ACTN4: variants seen among roughly 807,000 people sequenced by gnomAD.
ACTN4 encodes alpha-actinin-4.
ACTN4 carries 18 observed loss-of-function variants against 114.2 expected under a neutral mutation model. The observed-to-expected ratio is 0.16, with a 90% CI of 0.11 to 0.23. The LOEUF is 0.23. Among genes scored for constraint, ACTN4 ranks in the 10% least tolerant of loss-of-function variants. ACTN4 has a pLI of 1.00. For synonymous variants in ACTN4, 515 were observed against 506.3 expected (o/e 1.02, Z -0.23); for missense variants, 722 against 1,262.9 (o/e 0.57, Z 6.49).
intron 7 of ACTN4, 31 bp from the exon 8 acceptor site, chr19:38,710,226 G>A (rs753194793): frequency 2.7e-5 from 44 of 1,613,052 alleles, no homozygotes; most frequent in Non-Finnish European, 3.3e-5. Context: ...CGCCCTACTC[G>A]GGCAGTTTAA....
At chr19:38,700,854 G>C (rs1238843566) in intron 2 of ACTN4, 140 bp downstream of exon 2, 3 of 1,386,470 alleles carry the variant, frequency 2.2e-6, no homozygotes, top group Non-Finnish European at 3.0e-6. Context: ...ACGGTGGTCT[G>C]ATGGGTGGGG....
intron 1 of ACTN4, among the ~76,000 whole-genome samples, chr19:38,660,403 T>C (rs1392955704): frequency 6.6e-6 from 1 of 152,054 alleles, no homozygotes; most frequent in African/African-American, 2.4e-5. Flanking sequence ...TGTTTTTTTT[T>C]CTTTCCTTTG....
intron 3 of ACTN4, 113 bp downstream of exon 3, chr19:38,701,234 A>T: frequency 6.6e-7 from 1 of 1,523,756 alleles, no homozygotes; most frequent in Non-Finnish European, 8.9e-7. Context: ...CGCTTGGGGC[A>T]CTCAGAGCCC....
chr19:38,731,214 A>C lies in ACTN4; in HGVS notation c.*1782A>C. On this transcript the variant is annotated 3_prime_UTR_variant, in exon 21 of 21. Coordinates refer to ENST00000252699, the MANE Select transcript of ACTN4 (RefSeq NM_004924.6). ...GAGGGTCTGGGTCAGCTGGTTGTTC[A>C]GGTGGAAGCCTAGGGGGAGGCTGCT... The C allele has an allele frequency of 6.2e-7, 1 of 1,612,580 alleles. No individual in the cohort carries two copies. The highest frequency in any genetic ancestry group is 8.5e-7 in the Non-Finnish European group (1 of 1,179,960).
In ACTN4 at chr19:38,729,938, A is replaced by C. The variant is rs1176659104; in HGVS notation, c.*506A>C. On this transcript the variant is annotated 3_prime_UTR_variant, in exon 21 of 21. Coordinates refer to ENST00000252699, the MANE Select transcript of ACTN4 (RefSeq NM_004924.6). The stretch of plus-strand genomic sequence containing the variant: ...CCTCTCCCCTCTCTGCTCCAGACTC[A>C]CTTGCCATTGCCAGGAGATGGCCCC... 2 of 332,650 alleles carry C rather than the reference A, an allele frequency of 6.0e-6. No individual in the cohort carries two copies. Among genetic ancestry groups the C allele is most frequent in the Non-Finnish European group, 1.2e-5 (2 of 169,692 alleles). The allele number at this position is 332,650 out of a possible 1,614,324, so 20.6% of individuals were successfully genotyped here.
Position 38,723,667 on chromosome 19 carries a change from G to T in ACTN4, c.1496G>T (p.Cys499Phe). ...GTCAACACCCGGTGCCAGAAGATCT[G>T]TGACCAGTGGGACGCCCTCGGCTCT... ...HNVNTRCQKI[C>F]DQWDALGSLT... Residue 499 changes from cysteine (C) to phenylalanine (F), a missense_variant, in exon 13 of 21, where the codon TGT (cysteine) becomes TTT (phenylalanine). By Grantham distance (205) the Cys-to-Phe change is radical. Around this residue, in one of 3 missense-constraint regions of ACTN4, gnomAD observed 523 missense variants for 875.9 expected, o/e 0.60. Coordinates refer to ENST00000252699, the MANE Select transcript of ACTN4 (RefSeq NM_004924.6). 1 of 1,613,566 alleles carries T rather than the reference G, an allele frequency of 6.2e-7. No homozygotes were observed. Among genetic ancestry groups the T allele is most frequent in the Non-Finnish European group, 8.5e-7 (1 of 1,179,870 alleles).
Position 38,731,332 on chromosome 19 carries a change from C to T in ACTN4, c.*1900C>T, listed in dbSNP as rs1969589458. On this transcript the variant is annotated 3_prime_UTR_variant, in exon 21 of 21. Coordinates refer to ENST00000252699, the MANE Select transcript of ACTN4 (RefSeq NM_004924.6). ...ACATGAATGCCACAGGGTGTCACAC[C>T]CCAACTCTGCCCCATCCCGGCAGGG... The T allele has an allele frequency of 2.5e-6, 2 of 785,176 alleles. No homozygotes were observed. The highest frequency in any genetic ancestry group is 4.4e-6 in the Non-Finnish European group (2 of 455,838). The allele number at this position is 785,176 out of a possible 1,614,324, so 48.6% of individuals were successfully genotyped here. A position where few individuals can be genotyped will look rare whatever the true frequency, so the allele number is the denominator to read the frequency against.
chr19:38,659,675 C>T lies in ACTN4; in HGVS notation c.162+11768C>T, dbSNP rs900976702. Among the ~76,000 whole-genome samples the T allele has an allele frequency of 8.5e-5, 13 of 152,264 alleles. No homozygotes were observed. The East Asian group carries it at 1.4e-3, about 16-fold the overall frequency. On this transcript the variant is annotated intron_variant, in intron 1 of 20. Transcript: ENST00000252699. ...TTGCCAAATACGGCCTGCTCTGGGG[C>T]CACAGGGTTAGCTTAGGAGACAACT... is the stretch of plus-strand genomic sequence containing the variant.
chr19:38,704,758 T>C (rs573911999), intron 3 of ACTN4, among the ~76,000 whole-genome samples, 176 bp from the exon 4 acceptor site: 2 of 152,336 alleles, frequency 1.3e-5, no homozygotes, highest in African/African-American at 4.8e-5. Context: ...GCCTAGAGAC[T>C]GTTCCCTGCA....
rs779624869 is a variant in ACTN4 at position 38,729,598 on chromosome 19, T to C, written c.*166T>C. 70 of 1,038,424 alleles carry C rather than the reference T, an allele frequency of 6.7e-5. No homozygotes were observed. Among genetic ancestry groups the C allele is most frequent in the South Asian group, 1.6e-4 (12 of 73,464 alleles). 64.3% of individuals were successfully genotyped at this position (1,038,424 alleles called of 1,614,324 possible). A position where few individuals can be genotyped will look rare whatever the true frequency, so the allele number is the denominator to read the frequency against. On this transcript the variant is annotated 3_prime_UTR_variant, in exon 21 of 21. Transcript: ENST00000252699. ...GGGGCAGGCTCTCTCCTCTCTCTCT[T>C]TGTGGGTTGGCCAGGAGGTTCCCCC...
rs199711892 is a variant in ACTN4, at chr19:38,718,122, C to T, written c.1291+48C>T. 1.6e-5 allele frequency: 25 copies of T among 1,569,056 alleles called. No homozygotes were observed. The African/African-American group carries it at 2.4e-4, about 15-fold the overall frequency. ...TCTGCCCAGCCCCGCTCCCGTGCTC[C>T]CCTCCTGTCTCTCAGGCATGCATGG... On this transcript the variant is annotated intron_variant, in intron 11 of 20. Coordinates refer to ENST00000252699, the MANE Select transcript of ACTN4 (RefSeq NM_004924.6).
At chr19:38,674,710 C>G (rs1175422593) in intron 1 of ACTN4, among the ~76,000 whole-genome samples, 3 of 152,118 alleles carry the variant, frequency 2.0e-5, no homozygotes, top group Non-Finnish European at 4.4e-5. Context: ...CAGACTCTTC[C>G]CTTTTTAGGT....
At chr19:38,699,937 A>G (rs962050060) in intron 1 of ACTN4, among the ~76,000 whole-genome samples, 1 of 152,080 alleles carries the variant, frequency 6.6e-6, no homozygotes, top group Admixed American at 6.5e-5. Flanking sequence ...CCCAAAGCTC[A>G]AAGAGAGACT....
chr19:38,715,412 G>A (rs1280511040), intron 9 of ACTN4, among the ~76,000 whole-genome samples: 3 of 152,118 alleles, frequency 2.0e-5, no homozygotes, highest in African/African-American at 7.2e-5. Context: ...CAGGAGGATC[G>A]CTTGAGCCTG....
At chr19:38,660,642 C>T (rs567058499) in intron 1 of ACTN4, among the ~76,000 whole-genome samples, 4 of 152,190 alleles carry the variant, frequency 2.6e-5, no homozygotes, top group African/African-American at 9.6e-5. Context: ...GTGACCCACC[C>T]GCCTCAGCCA....
Position 38,678,715 on chromosome 19 carries a change from C to T in ACTN4, c.163-21885C>T, listed in dbSNP as rs150635076. Among the ~76,000 whole-genome samples the T allele has an allele frequency of 5.3e-3, 804 of 152,286 alleles. 8 individuals are homozygous for T. Among genetic ancestry groups the T allele is most frequent in the African/African-American group, 0.016 (678 of 41,550 alleles). ...TGGGCTTGGGCTTTGTCTCCTGTGT[C>T]CCTCCACACCTTCTTCGCTGTCAGT... On this transcript the variant is annotated intron_variant, in intron 1 of 20. Transcript: ENST00000252699.
rs1451759321 is a variant in ACTN4 at position 38,718,039 on chromosome 19, G to A, written c.1256G>A (p.Arg419Gln). ...CTCGACCACCTGGCAGAGAAGTTCC[G>A]GCAGAAGGCCTCCATCCACGAGGCC... ...ERLDHLAEKFRQKASIHEAWT... is the reference protein window; with the variant it reads ...ERLDHLAEKFQQKASIHEAWT... Residue 419 changes from arginine to glutamine, a missense_variant, in exon 11 of 21, where the codon CGG (arginine) becomes CAG (glutamine). Physicochemically the swap from Arg to Gln is conservative, Grantham distance 43. Transcript: ENST00000252699. 10 of 1,609,278 alleles carry A rather than the reference G, an allele frequency of 6.2e-6. No individual in the cohort carries two copies. The highest frequency in any genetic ancestry group is 3.3e-5 in the South Asian group (3 of 90,096).
chr19:38,659,146 C>G (rs997727577), intron 1 of ACTN4, among the ~76,000 whole-genome samples: 1 of 138,330 alleles, frequency 7.2e-6, no homozygotes, highest in African/African-American at 2.7e-5. Context: ...TTGCAACCTC[C>G]GCATCCTGGG....
intron 1 of ACTN4, among the ~76,000 whole-genome samples, chr19:38,686,179 C>G (rs544496696): frequency 6.6e-6 from 1 of 152,286 alleles, no homozygotes; most frequent in African/African-American, 2.4e-5. Flanking sequence ...GACCTTTTCT[C>G]CCCAAATGCC....
Sources: gnomAD v4.1 joint callset for allele counts (sites outside exome capture counted in the v4.1 genomes callset) on GRCh38, gnomAD v4.1.1 for gene constraint, gnomAD v4.1.1 regional missense constraint, MANE v1.5 for transcripts, NCBI Gene and HGNC (gene_info 2026-07-23, HGNC 2026-07-21) for gene names.